Variants in RETREG1 observed in about 807,000 individuals in gnomAD.
RETREG1 encodes the protein reticulophagy regulator 1.
RETREG1 carries 44 observed loss-of-function variants against 54.8 expected under a neutral mutation model. The ratio of observed to expected loss-of-function variants is 0.80; its 90% CI spans 0.63 to 1.03. RETREG1 has a LOEUF of 1.03. Among genes scored for constraint, RETREG1 ranks in the 50% least tolerant of loss-of-function variants. The pLI is 0.00. For synonymous variants in RETREG1, 217 were observed against 238.5 expected (o/e 0.91, Z 0.83); for missense variants, 554 against 605.1 (o/e 0.92, Z 0.89).
At chr5:16,510,189 T>C (rs13167760) in intron 3 of RETREG1, among the ~76,000 whole-genome samples, 25,192 of 152,218 alleles carry the variant, frequency 0.17, 2,487 homozygotes, top group Middle Eastern at 0.25. Flanking sequence ...TTGGATAGTG[T>C]TAGTTATTTT....
chr5:16,601,326 C>A (rs189246318), intron 1 of RETREG1, among the ~76,000 whole-genome samples: 2 of 151,098 alleles, frequency 1.3e-5, no homozygotes, highest in Non-Finnish European at 2.9e-5. Flanking sequence ...AGTGTCACAG[C>A]GAGACCCTGT....
intron 1 of RETREG1, 185 bp downstream of exon 1, chr5:16,616,467 G>T: frequency 9.3e-7 from 1 of 1,069,704 alleles, no homozygotes; most frequent in Non-Finnish European, 1.3e-6. Flanking sequence ...ACAGGGACGT[G>T]CGTCCGGAGG....
intron 3 of RETREG1, among the ~76,000 whole-genome samples, chr5:16,492,229 T>TCTCTCTCTCTCACACACACACA (rs1406702350): frequency 6.3e-5 from 7 of 110,566 alleles, no homozygotes; most frequent in African/African-American, 2.2e-4. Flanking sequence ...TCTCTCTCTC[T>TCTCTCTCTCTCACACACACACA]CACACACACA....
intron 4 of RETREG1, chr5:16,483,031 C>T (rs1221414195): frequency 5.1e-5 from 15 of 294,240 alleles, no homozygotes; most frequent in Non-Finnish European, 9.0e-5. Context: ...AGGCTAAATA[C>T]GATAACTGAA....
chr5:16,487,554 T>C (rs1739065973), intron 3 of RETREG1, among the ~76,000 whole-genome samples: 1 of 152,214 alleles, frequency 6.6e-6, no homozygotes, highest in Non-Finnish European at 1.5e-5. Flanking sequence ...ATCTATCAAA[T>C]GGGCTTTGCT....
intron 1 of RETREG1, among the ~76,000 whole-genome samples, chr5:16,608,357 C>G (rs553179670): frequency 6.6e-6 from 1 of 152,342 alleles, no homozygotes; most frequent in East Asian, 1.9e-4. Flanking sequence ...TCAGGAGAGT[C>G]TCTCCATCCT....
At chr5:16,576,975 A>G (rs1227967848) in intron 1 of RETREG1, among the ~76,000 whole-genome samples, 1 of 152,112 alleles carries the variant, frequency 6.6e-6, no homozygotes, top group Non-Finnish European at 1.5e-5. Context: ...AATTACTTTA[A>G]TTCTTAATGT....
At chr5:16,584,291 A>T (rs539936297) in intron 1 of RETREG1, among the ~76,000 whole-genome samples, 292 of 152,318 alleles carry the variant, frequency 1.9e-3, no homozygotes, top group African/African-American at 6.4e-3. Context: ...ATTGAAATTT[A>T]AAAAATTAAG....
At chr5:16,524,104 C>A (rs139718645) in intron 3 of RETREG1, among the ~76,000 whole-genome samples, 152 of 152,316 alleles carry the variant, frequency 1.0e-3, no homozygotes, top group African/African-American at 3.6e-3. Flanking sequence ...CACTTCCTTC[C>A]CACCCAGCAT....
At chr5:16,520,631 AG>A (rs1447699559) in intron 3 of RETREG1, among the ~76,000 whole-genome samples, 2 of 152,198 alleles carry the variant, frequency 1.3e-5, no homozygotes, top group Non-Finnish European at 1.5e-5. Context: ...CCCAGCCAAT[AG>A]TTTTTTTAAG....
intron 3 of RETREG1, among the ~76,000 whole-genome samples, chr5:16,558,500 T>C (rs1164442306): frequency 6.6e-6 from 1 of 152,202 alleles, no homozygotes; most frequent in Non-Finnish European, 1.5e-5. Context: ...AACAACAATG[T>C]ATCCTTCACA....
intron 1 of RETREG1, among the ~76,000 whole-genome samples, chr5:16,611,027 C>T (rs1314375010): frequency 6.6e-6 from 1 of 152,150 alleles, no homozygotes; most frequent in African/African-American, 2.4e-5. Context: ...CAATGATAGA[C>T]TGGATTAAGA....
chr5:16,557,716 T>A (rs143841075), intron 3 of RETREG1, among the ~76,000 whole-genome samples: 1 of 152,336 alleles, frequency 6.6e-6, no homozygotes. Flanking sequence ...AACTGGTGCT[T>A]AGTTCCCAGG....
intron 1 of RETREG1, among the ~76,000 whole-genome samples, chr5:16,615,695 G>A (rs1472624336): frequency 6.6e-6 from 1 of 152,120 alleles, no homozygotes; most frequent in Non-Finnish European, 1.5e-5. Flanking sequence ...GAGATCTGAG[G>A]AAAATATTCA....
At chr5:16,543,947 T>G (rs1741317315) in intron 3 of RETREG1, among the ~76,000 whole-genome samples, 1 of 152,044 alleles carries the variant, frequency 6.6e-6, no homozygotes, top group Non-Finnish European at 1.5e-5. Flanking sequence ...TCTTGGATTT[T>G]TTATGGGTTT....
intron 1 of RETREG1, among the ~76,000 whole-genome samples, chr5:16,604,898 TC>T (rs1425003009): frequency 6.6e-6 from 1 of 152,224 alleles, no homozygotes; most frequent in Non-Finnish European, 1.5e-5. Context: ...TACATGGATA[TC>T]TTGGACTCAT....
chr5:16,590,859 ACAC>A (rs1210865268), intron 1 of RETREG1, among the ~76,000 whole-genome samples: 1 of 146,690 alleles, frequency 6.8e-6, no homozygotes, highest in Non-Finnish European at 1.5e-5. Context: ...CACACAAAAA[ACAC>A]ACACATGCAA....
chr5:16,492,138 G>C (rs1380790324), intron 3 of RETREG1, among the ~76,000 whole-genome samples: 2 of 149,950 alleles, frequency 1.3e-5, no homozygotes, highest in Non-Finnish European at 3.0e-5. Context: ...TTTTGGTTTT[G>C]CTTTTCAAGT....
At chr5:16,543,834 A>G (rs978270315) in intron 3 of RETREG1, among the ~76,000 whole-genome samples, 7 of 152,268 alleles carry the variant, frequency 4.6e-5, no homozygotes, top group Middle Eastern at 6.8e-3. Flanking sequence ...TCAAATCGGC[A>G]TAGTGGTATC....
Sources: gnomAD v4.1 joint callset for allele counts (sites outside exome capture counted in the v4.1 genomes callset) on GRCh38, gnomAD v4.1.1 for gene constraint, MANE v1.5 for transcripts, NCBI Gene and HGNC (gene_info 2026-07-23, HGNC 2026-07-21) for gene names.